Variants in CCDC83 observed in about 807,000 individuals in gnomAD.
CCDC83 encodes the protein coiled-coil domain-containing protein 83.
CCDC83 carries 54 observed loss-of-function variants against 50.1 expected under a neutral mutation model. That is an observed-to-expected ratio of 1.08 (90% CI 0.87 to 1.35). CCDC83 has a LOEUF of 1.35. CCDC83 is among the 40% of genes most tolerant of loss of function. The pLI, the probability that CCDC83 is intolerant of heterozygous loss-of-function variation, is 0.00. For synonymous variants in CCDC83, 161 were observed against 153.3 expected (o/e 1.05, Z -0.37); for missense variants, 518 against 473.9 (o/e 1.09, Z -0.86).
chr11:85,871,723 G>T (rs1378091279), intron 2 of CCDC83, among the ~76,000 whole-genome samples: 1 of 152,156 alleles, frequency 6.6e-6, no homozygotes, highest in Non-Finnish European at 1.5e-5. Context: ...CTGAGATCAT[G>T]TAGACAAGAA....
intron 1 of CCDC83, among the ~76,000 whole-genome samples, chr11:85,855,858 G>C (rs1482563263): frequency 6.6e-6 from 1 of 152,138 alleles, no homozygotes; most frequent in Non-Finnish European, 1.5e-5. Context: ...TCTGAGTCTA[G>C]TGAATGCTTT....
intron 1 of CCDC83, among the ~76,000 whole-genome samples, chr11:85,858,085 ACAT>A (rs1447910530): frequency 6.6e-6 from 1 of 152,196 alleles, no homozygotes; most frequent in Non-Finnish European, 1.5e-5. Flanking sequence ...AATGCACACC[ACAT>A]CATCCTGCTA....
At chr11:85,889,190 C>CA (rs2093340348) in intron 5 of CCDC83, among the ~76,000 whole-genome samples, 1 of 152,044 alleles carries the variant, frequency 6.6e-6, no homozygotes, top group Non-Finnish European at 1.5e-5. Context: ...CCATCTCTAC[C>CA]AAAAATACAA....
At chr11:85,895,815 A>AT (rs1554983248) in intron 6 of CCDC83, among the ~76,000 whole-genome samples, 1 of 151,932 alleles carries the variant, frequency 6.6e-6, no homozygotes, top group Non-Finnish European at 1.5e-5. Flanking sequence ...AGCTCAGTGA[A>AT]TTTTTTCTTT....
At chr11:85,862,426 T>A (rs1273312337) in intron 1 of CCDC83, among the ~76,000 whole-genome samples, 1 of 152,178 alleles carries the variant, frequency 6.6e-6, no homozygotes, top group Non-Finnish European at 1.5e-5. Context: ...TAGCATTATC[T>A]GCATGATTTT....
rs764309396 is a variant in CCDC83 at position 85,919,538 on chromosome 11, T to A, written c.*28T>A. The A allele has an allele frequency of 2.8e-5, 44 of 1,548,652 alleles. No individual in the cohort carries two copies. Among genetic ancestry groups the A allele is most frequent in the Non-Finnish European group, 3.5e-5 (40 of 1,136,148 alleles). On this transcript the variant is annotated 3_prime_UTR_variant, in exon 11 of 11. Transcript: ENST00000342404. Reference sequence around the variant, plus strand: ...CGGAAAGCTGCAAAGGAAACACAACTTTTCCTTATAAATGTTCTTTGGGAA... The same window carrying A: ...CGGAAAGCTGCAAAGGAAACACAACATTTCCTTATAAATGTTCTTTGGGAA...
At chr11:85,907,784 G>GGA (rs2093432332) in intron 7 of CCDC83, among the ~76,000 whole-genome samples, 1 of 152,166 alleles carries the variant, frequency 6.6e-6, no homozygotes, top group Admixed American at 6.5e-5. Flanking sequence ...TGATGTCATA[G>GGA]GAGAGCCTTA....
chr11:85,863,226 C>A (rs1285163036), intron 1 of CCDC83, among the ~76,000 whole-genome samples: 1 of 152,114 alleles, frequency 6.6e-6, no homozygotes, highest in East Asian at 1.9e-4. Flanking sequence ...TAAAATGAAA[C>A]ATTTGTTAGT....
chr11:85,882,384 A>G, intron 3 of CCDC83, 129 bp from the exon 4 acceptor site: 1 of 759,520 alleles, frequency 1.3e-6, no homozygotes, highest in Non-Finnish European at 2.2e-6. Flanking sequence ...TGTCTGATGG[A>G]AGTAGAAGTC....
At chr11:85,858,712 A>G (rs987039231) in intron 1 of CCDC83, among the ~76,000 whole-genome samples, 2 of 152,052 alleles carry the variant, frequency 1.3e-5, no homozygotes, top group East Asian at 3.9e-4. Context: ...CAAAGCCCAT[A>G]TACTTTACCA....
chr11:85,891,224 A>T (rs966125274), intron 5 of CCDC83, among the ~76,000 whole-genome samples: 3 of 152,170 alleles, frequency 2.0e-5, no homozygotes, highest in Non-Finnish European at 4.4e-5. Flanking sequence ...CATGCACCTT[A>T]TCAAACATGA....
chr11:85,855,206 C>A (rs1208337499), upstream of CCDC83: 2 of 152,374 alleles, frequency 1.3e-5, no homozygotes, highest in African/African-American at 4.8e-5. Flanking sequence ...CCCCTGCAGG[C>A]TGTGGAGGGG....
intron 7 of CCDC83, among the ~76,000 whole-genome samples, chr11:85,907,056 A>G (rs1242334177): frequency 6.6e-6 from 1 of 152,182 alleles, no homozygotes; most frequent in Non-Finnish European, 1.5e-5. Flanking sequence ...AGAATTGAAA[A>G]TTGCCTGGAA....
chr11:85,911,225 A>T, intron 7 of CCDC83, 56 bp from the exon 8 acceptor site: 11 of 1,350,470 alleles, frequency 8.1e-6, no homozygotes, highest in Non-Finnish European at 1.1e-5. Context: ...AGAAAAGAAA[A>T]CTTAATAGAA....
intron 8 of CCDC83, 95 bp downstream of exon 8, chr11:85,911,497 T>G (rs550253573): frequency 1.8e-6 from 2 of 1,083,490 alleles, no homozygotes; most frequent in East Asian, 2.6e-5. Flanking sequence ...ATTTAATTAT[T>G]CAGTGCTCCA....
At chr11:85,882,962 G>A (rs1015752905) in intron 4 of CCDC83, among the ~76,000 whole-genome samples, 2 of 152,148 alleles carry the variant, frequency 1.3e-5, no homozygotes, top group Non-Finnish European at 2.9e-5. Context: ...CAGTCACCCA[G>A]GCTGGAGTGC....
At chr11:85,904,704 C>T (rs1592185910) in intron 7 of CCDC83, among the ~76,000 whole-genome samples, 1 of 152,070 alleles carries the variant, frequency 6.6e-6, no homozygotes, top group East Asian at 1.9e-4. Flanking sequence ...ATTCAATGTA[C>T]CTAAAGCAGG....
intron 2 of CCDC83, among the ~76,000 whole-genome samples, chr11:85,866,793 G>A (rs1338395060): frequency 1.3e-5 from 2 of 152,146 alleles, no homozygotes; most frequent in Admixed American, 6.5e-5. Flanking sequence ...GTTTGAGAAA[G>A]CTTTGAGCTG....
At chr11:85,902,326 A>G (rs912770825) in intron 7 of CCDC83, among the ~76,000 whole-genome samples, 3 of 152,236 alleles carry the variant, frequency 2.0e-5, no homozygotes, top group Non-Finnish European at 4.4e-5. Flanking sequence ...ATTTTCAGAA[A>G]TGCAAGGGCT....
Sources: allele counts gnomAD v4.1 joint callset (sites outside exome capture counted in the v4.1 genomes callset), GRCh38; gene constraint gnomAD v4.1.1; transcripts MANE v1.5; gene names NCBI Gene and HGNC (gene_info 2026-07-23, HGNC 2026-07-21).